WASHC2C: variants seen among roughly 807,000 people sequenced by gnomAD.
WASHC2C encodes WASH complex subunit 2C, also known as Vaccinia Penetration Factor.
WASHC2C carries 73 observed loss-of-function variants against 142.2 expected under a neutral mutation model. The observed-to-expected ratio is 0.51, with a 90% CI of 0.43 to 0.62. The LOEUF (loss-of-function observed/expected upper bound fraction) is 0.62, where lower values mean the gene tolerates loss of function less well. Among genes scored for constraint, WASHC2C ranks in the 20% least tolerant of loss-of-function variants. The pLI, the probability that WASHC2C is intolerant of heterozygous loss-of-function variation, is 0.00. For missense variants in WASHC2C, 969 were observed against 1,531.7 expected, an observed-to-expected ratio of 0.63 and a Z score of 6.13; for synonymous variants, 337 against 565.5, an observed-to-expected ratio of 0.60 and a Z score of 5.73.
rs573200809 is a variant in WASHC2C, at chr10:45,752,701, G to A, written c.1117G>A (p.Glu373Lys). The A allele has an allele frequency of 1.6e-5, 26 of 1,609,680 alleles. 1 individual carries two copies. The African/African-American group carries it at 2.3e-4, about 14-fold the overall frequency. ...GGKGLFDDED[E>K]ESDLFTEASQ... ...CAAGGGGCTATTTGATGATGAGGAC[G>A]AGGAGGTGAGTCCATGGCACCCAGC... Residue 373 changes from glutamate to lysine, a missense_variant, in exon 12 of 31, where the codon GAG (glutamate) becomes AAG (lysine). Physicochemically the swap from Glu to Lys is moderately conservative, Grantham distance 56 (BLOSUM62 1). Transcript: ENST00000623400.
Position 45,790,337 on chromosome 10 carries a change from G to A in WASHC2C, c.3709-19G>A. The A allele has an allele frequency of 6.2e-7, 1 of 1,609,540 alleles. No homozygotes were observed. Among genetic ancestry groups the A allele is most frequent in the Non-Finnish European group, 8.5e-7 (1 of 1,179,342 alleles). On this transcript the variant is annotated intron_variant, in intron 29 of 30. Coordinates refer to ENST00000623400, the MANE Select transcript of WASHC2C (RefSeq NM_001330074.2). ...AAATTGATTTAACATTGTTTTGTATGTATTTTTGGCTTAACAAGGATGATA... is the reference window on the plus strand; with the variant it reads ...AAATTGATTTAACATTGTTTTGTATATATTTTTGGCTTAACAAGGATGATA...
chr10:45,765,889 A>C lies in WASHC2C; in HGVS notation c.1869+79A>C, dbSNP rs2055742678. 1.0e-5 allele frequency: 16 copies of C among 1,586,536 alleles called. No individual in the cohort carries two copies. The Admixed American group carries it at 2.6e-4, about 26-fold the overall frequency. The stretch of plus-strand genomic sequence containing the variant: ...TTAAAGCCATCCCAAGTCTTTTTCT[A>C]CCTGTTTTATATCTCGTGATGTTCA... On this transcript the variant is annotated intron_variant, in intron 19 of 30. Coordinates refer to ENST00000623400, the MANE Select transcript of WASHC2C (RefSeq NM_001330074.2).
In WASHC2C at chr10:45,786,634, T is replaced by G. The variant is rs782739619; in HGVS notation, c.2834T>G (p.Phe945Cys). 310 of 1,611,720 alleles carry G rather than the reference T, an allele frequency of 1.9e-4. 2 individuals are homozygous for G. The highest frequency in any genetic ancestry group is 2.2e-4 in the Admixed American group (13 of 59,994). ...TPQDSSGLAPFKTKEPSTRIG... is the reference protein window; with the variant it reads ...TPQDSSGLAPCKTKEPSTRIG... ...CAGGACTCATCAGGTCTCGCTCCAT[T>G]TAAAACCAAAGAACCATCCACTCGG... is the stretch of plus-strand genomic sequence containing the variant. Residue 945 changes from phenylalanine to cysteine, a missense_variant, in exon 27 of 31, where the codon TTT becomes TGT. Phe to Cys is a radical substitution (Grantham distance 205). Coordinates refer to ENST00000623400, the MANE Select transcript of WASHC2C (RefSeq NM_001330074.2).
chr10:45,771,981 G>A lies in WASHC2C; in HGVS notation c.2040-1275G>A, dbSNP rs1448182155. Among the ~76,000 whole-genome samples the A allele has an allele frequency of 3.0e-4, 46 of 152,322 alleles. 1 individual carries two copies. The highest frequency in any genetic ancestry group is 3.4e-3 in the Middle Eastern group (1 of 294). ...TATTGCAGCCTTAGTCATAACAGCC[G>A]AAAGTGTAAACAACCCAAATGTCCA... On this transcript the variant is annotated intron_variant, in intron 20 of 30. Coordinates refer to ENST00000623400, the MANE Select transcript of WASHC2C (RefSeq NM_001330074.2).
At chr10:45,745,936 A>C (rs2052770611) in intron 7 of WASHC2C, among the ~76,000 whole-genome samples, 2 of 89,874 alleles carry the variant, frequency 2.2e-5, no homozygotes, top group Non-Finnish European at 2.1e-5. Flanking sequence ...CCACCCCACC[A>C]CAGTCCCCAG....
chr10:45,786,965 A>G (rs1439737712), intron 27 of WASHC2C, 70 bp from the exon 28 acceptor site: 10 of 1,611,688 alleles, frequency 6.2e-6, no homozygotes, highest in African/African-American at 1.3e-5. Flanking sequence ...GAATCTTGTC[A>G]TGTGTCACAA....
chr10:45,732,447 A>C (rs1366459241), intron 3 of WASHC2C, among the ~76,000 whole-genome samples: 2 of 152,216 alleles, frequency 1.3e-5, no homozygotes, highest in African/African-American at 4.8e-5. Context: ...ACACAATTCT[A>C]AAGGCTTAAT....
chr10:45,752,296 C>G (rs1233553169), intron 11 of WASHC2C, among the ~76,000 whole-genome samples: 2 of 152,300 alleles, frequency 1.3e-5, no homozygotes, highest in Non-Finnish European at 2.9e-5. Flanking sequence ...GGCGTCTGAC[C>G]CGAATGCTTG....
chr10:45,777,238 ATTG>A (rs781978986), intron 21 of WASHC2C, 32 bp from the exon 22 acceptor site: 1 of 1,472,578 alleles, frequency 6.8e-7, no homozygotes, highest in East Asian at 2.3e-5. Context: ...ACACTTTTTT[ATTG>A]TTGTGGATGT....
At chr10:45,771,092 C>T (rs570935751) in intron 20 of WASHC2C, among the ~76,000 whole-genome samples, 4 of 151,848 alleles carry the variant, frequency 2.6e-5, no homozygotes, top group African/African-American at 7.3e-5. Flanking sequence ...CCCGGCTGGG[C>T]GCAGTGGCTC....
chr10:45,769,625 T>C lies in WASHC2C; in HGVS notation c.2039+7T>C. On this transcript the variant is annotated splice_region_variant and intron_variant, in intron 20 of 30. Coordinates refer to ENST00000623400, the MANE Select transcript of WASHC2C (RefSeq NM_001330074.2). The stretch of plus-strand genomic sequence containing the variant: ...TTGCCATTGCCAAGGACAGGTGAGA[T>C]AGTCATTGGAAGGAGTCCCTCACTC... The C allele has an allele frequency of 1.2e-6, 2 of 1,611,874 alleles. No homozygotes were observed. The highest frequency in any genetic ancestry group is 1.7e-6 in the Non-Finnish European group (2 of 1,179,832).
chr10:45,729,174 T>G, intron 3 of WASHC2C, 148 bp downstream of exon 3: 2 of 1,042,852 alleles, frequency 1.9e-6, no homozygotes, highest in Non-Finnish European at 2.6e-6. Context: ...TAACGCCTCT[T>G]TTTTATTTGT....
chr10:45,742,114 T>C (rs1343065232), intron 5 of WASHC2C, among the ~76,000 whole-genome samples: 6 of 151,804 alleles, frequency 4.0e-5, no homozygotes, highest in Non-Finnish European at 7.4e-5. Context: ...ATTTTTAATG[T>C]GTGTGTGGTG....
Position 45,757,002 on chromosome 10 carries a change from T to C in WASHC2C, c.1421-10T>C. On this transcript the variant is annotated splice_polypyrimidine_tract_variant and intron_variant, in intron 15 of 30. Transcript: ENST00000623400. ...GTTAGTGTCATTTTATGCCTTGGTA[T>C]TTTTTACAGGCAAAGTCCAATCCAC... is the stretch of plus-strand genomic sequence containing the variant. The C allele has an allele frequency of 6.3e-7, 1 of 1,588,336 alleles. No homozygotes were observed. The highest frequency in any genetic ancestry group is 8.6e-7 in the Non-Finnish European group (1 of 1,166,258).
chr10:45,761,923 C>T (rs556477795), intron 17 of WASHC2C, among the ~76,000 whole-genome samples: 65 of 151,674 alleles, frequency 4.3e-4, no homozygotes, highest in African/African-American at 1.6e-3. Context: ...CTCCGGGGAG[C>T]ACAGGGGAAA....
At chr10:45,758,994 C>T (rs1296910533) in intron 16 of WASHC2C, among the ~76,000 whole-genome samples, 4 of 150,554 alleles carry the variant, frequency 2.7e-5, no homozygotes, top group Admixed American at 6.7e-5. Flanking sequence ...TTTCTCCTGC[C>T]GACCACCTAA....
intron 15 of WASHC2C, among the ~76,000 whole-genome samples, 194 bp from the exon 16 acceptor site, chr10:45,756,818 A>G (rs2054362732): frequency 3.9e-5 from 6 of 152,378 alleles, no homozygotes; most frequent in Middle Eastern, 3.4e-3. Context: ...CTGTCTTTCA[A>G]CTGAACTGCT....
chr10:45,769,317 A>C (rs1439293743), intron 19 of WASHC2C, 132 bp from the exon 20 acceptor site: 26 of 1,429,378 alleles, frequency 1.8e-5, no homozygotes, highest in Non-Finnish European at 2.5e-5. Flanking sequence ...ATGGGGTTTC[A>C]CCGTGTTAGC....
intron 27 of WASHC2C, 27 bp downstream of exon 27, chr10:45,786,701 G>A (rs2058069842): frequency 6.2e-7 from 1 of 1,611,660 alleles, no homozygotes; most frequent in Admixed American, 1.7e-5. Flanking sequence ...AATCTTCATT[G>A]CCTGCCCTGT....
Sources: gnomAD v4.1 joint callset for allele counts (sites outside exome capture counted in the v4.1 genomes callset) on GRCh38, gnomAD v4.1.1 for gene constraint, MANE v1.5 for transcripts, NCBI Gene and HGNC (gene_info 2026-07-23, HGNC 2026-07-21) for gene names.